PCOLCE: variants seen among roughly 807,000 people sequenced by gnomAD.
The protein encoded by PCOLCE is procollagen C-endopeptidase enhancer 1.
Under a neutral mutation model 47.2 loss-of-function variants are expected in PCOLCE, and 33 were observed. That is an observed-to-expected ratio of 0.70 (90% CI 0.53 to 0.93). The LOEUF (loss-of-function observed/expected upper bound fraction) is 0.93, where lower values mean the gene tolerates loss of function less well. Ranked by LOEUF, PCOLCE falls within the 40% of genes least tolerant of loss-of-function variation. The pLI is 0.00. For missense variants in PCOLCE, 584 were observed against 585.3 expected (o/e 1.00, Z 0.02); for synonymous variants, 254 against 252.5 (o/e 1.01, Z -0.06).
chr7:100,606,888 C>T (rs148918560), intron 6 of PCOLCE, among the ~76,000 whole-genome samples: 4,507 of 152,188 alleles, frequency 0.03, 223 homozygotes, highest in African/African-American at 0.1. Flanking sequence ...GTCAGGAGTT[C>T]AAGACCACCC....
In PCOLCE at chr7:100,604,501, C is replaced by T. The variant is rs1252556735; in HGVS notation, c.463+284C>T. 1 of 535,134 alleles carries T rather than the reference C, an allele frequency of 1.9e-6. No homozygotes were observed. Among genetic ancestry groups the T allele is most frequent in the South Asian group, 2.0e-5 (1 of 50,412 alleles). The allele number at this position is 535,134 out of a possible 1,614,324, so 33.1% of individuals were successfully genotyped here. The stretch of plus-strand genomic sequence containing the variant: ...AATGGGCGGCCTGGGGTTACTGGGA[C>T]GGTGAGTAACTGCCGGCCCCCGTCC... On this transcript the variant is annotated intron_variant, in intron 3 of 8. Coordinates refer to ENST00000223061, the MANE Select transcript of PCOLCE (RefSeq NM_002593.4). This position sits in a 1 kb window ranked among gnomAD's most constrained non-coding sequence, Gnocchi z 6.4.
rs1584440935 is a variant in PCOLCE at position 100,604,712 on chromosome 7, G to A, written c.464-379G>A. The A allele has an allele frequency of 3.2e-6, 1 of 313,538 alleles. No homozygotes were observed. The highest frequency in any genetic ancestry group is 7.7e-5 in the East Asian group (1 of 12,938). 19.4% of individuals were successfully genotyped at this position (313,538 alleles called of 1,614,324 possible). On this transcript the variant is annotated intron_variant, in intron 3 of 8. Transcript: ENST00000223061. The surrounding 1 kb of genome is among the most constrained non-coding windows in gnomAD (Gnocchi z 6.4). Reference sequence around the variant, plus strand: ...GGGACCTCCCTAAAGGGGTCCTCGGGGGCTGTGCCCCAAGTCGAGGACACC... The same window carrying A: ...GGGACCTCCCTAAAGGGGTCCTCGGAGGCTGTGCCCCAAGTCGAGGACACC...
Position 100,603,459 on chromosome 7 carries a change from AGGG to A in PCOLCE, c.128_130del (p.Gly43del). The A allele has an allele frequency of 6.2e-7, 1 of 1,605,746 alleles. No homozygotes were observed. Among genetic ancestry groups the A allele is most frequent in the Non-Finnish European group, 8.5e-7 (1 of 1,175,754 alleles). On this transcript the variant is annotated inframe_deletion, in exon 2 of 9. Transcript: ENST00000223061. ...GTGTTCCTGTGCGGAGGGGATGTGA[AGGG>A]GGAATCAGGTTACGTGGCAAGTGAG...
intron 1 of PCOLCE, 114 bp downstream of exon 1, chr7:100,602,665 T>C: frequency 1.4e-6 from 1 of 716,506 alleles, no homozygotes; most frequent in Non-Finnish European, 2.5e-6. Context: ...CTCCCCAGAT[T>C]CCCCACCGCC....
chr7:100,603,661 T>C, intron 2 of PCOLCE, 123 bp downstream of exon 2: 1 of 519,272 alleles, frequency 1.9e-6, no homozygotes, highest in East Asian at 3.6e-5. Flanking sequence ...GCTCCAAGTG[T>C]CTTCCCTCTG....
Position 100,605,232 on chromosome 7 carries a change from C to G in PCOLCE, c.588+17C>G. The stretch of plus-strand genomic sequence containing the variant: ...CCGGACCAGGTACCGACCCTCCTCC[C>G]CGGGCTGCCCTAGGGGACCCAGGCG... On this transcript the variant is annotated intron_variant, in intron 4 of 8. Coordinates refer to ENST00000223061, the MANE Select transcript of PCOLCE (RefSeq NM_002593.4). This position sits in a 1 kb window ranked among gnomAD's most constrained non-coding sequence, Gnocchi z 6.1. 1 of 1,606,490 alleles carries G rather than the reference C, an allele frequency of 6.2e-7. No homozygotes were observed. The highest frequency in any genetic ancestry group is 8.5e-7 in the Non-Finnish European group (1 of 1,175,276).
At chr7:100,606,108 C>A in intron 5 of PCOLCE, 1 of 532,076 alleles carries the variant, frequency 1.9e-6, no homozygotes, top group Non-Finnish European at 3.4e-6. Flanking sequence ...GCGGGAGGAT[C>A]ACCTGAGCTT....
In PCOLCE at chr7:100,605,020, C is replaced by G. The variant is rs1802687180; in HGVS notation, c.464-71C>G. On this transcript the variant is annotated intron_variant, in intron 3 of 8. Coordinates refer to ENST00000223061, the MANE Select transcript of PCOLCE (RefSeq NM_002593.4). This position sits in a 1 kb window ranked among gnomAD's most constrained non-coding sequence, Gnocchi z 6.1. The stretch of plus-strand genomic sequence containing the variant: ...CCGAGCTGCCTGCCGGGGCTCCCAG[C>G]CTAGAGTTCTCCTGAAGCTGACCGA... 8.3e-7 allele frequency: 1 copy of G among 1,200,584 alleles called. No homozygotes were observed. Among genetic ancestry groups the G allele is most frequent in the African/African-American group, 1.5e-5 (1 of 67,002 alleles). The allele number at this position is 1,200,584 out of a possible 1,614,324, so 74.4% of individuals were successfully genotyped here. A position where few individuals can be genotyped will look rare whatever the true frequency, so the allele number is the denominator to read the frequency against.
rs1204291958 is a variant in PCOLCE at position 100,604,312 on chromosome 7, G to T, written c.463+95G>T. 3.6e-6 allele frequency: 4 copies of T among 1,099,176 alleles called. No individual in the cohort carries two copies. The highest frequency in any genetic ancestry group is 2.2e-5 in the African/African-American group (1 of 44,970). 68.1% of individuals were successfully genotyped at this position (1,099,176 alleles called of 1,614,324 possible). ...CTAACCTCCGCCCCGCCCACCCCGC[G>T]CCCCAGTGCCTAGGGCCCCCTACCT... On this transcript the variant is annotated intron_variant, in intron 3 of 8. Transcript: ENST00000223061. This position sits in a 1 kb window ranked among gnomAD's most constrained non-coding sequence, Gnocchi z 6.4.
At position 100,605,978 on chromosome 7, in the gene PCOLCE, G is replaced by A. The variant is rs1395752007; in HGVS notation, c.725+166G>A. Among the ~76,000 whole-genome samples the A allele has an allele frequency of 6.6e-6, 1 of 152,172 alleles. No individual in the cohort carries two copies. Among genetic ancestry groups the A allele is most frequent in the Admixed American group, 6.5e-5 (1 of 15,268 alleles). ...CAGGCAAAGAGGAGATTTGGCCCCG[G>A]GTCTGGGGTCCGCGGATAGAGAGGC... On this transcript the variant is annotated intron_variant, in intron 5 of 8. Transcript: ENST00000223061. The surrounding 1 kb of genome is among the most constrained non-coding windows in gnomAD (Gnocchi z 6.1).
At chr7:100,603,325 G>A in intron 1 of PCOLCE, 105 bp from the exon 2 acceptor site, 2 of 632,086 alleles carry the variant, frequency 3.2e-6, no homozygotes, top group East Asian at 6.0e-5. Flanking sequence ...TCATCCCCCA[G>A]CTTCCCTCCT....
chr7:100,604,883 CGCCCTGCG>C lies in PCOLCE; in HGVS notation c.464-203_464-196del, dbSNP rs1451700283. On this transcript the variant is annotated intron_variant, in intron 3 of 8. Transcript: ENST00000223061. This position sits in a 1 kb window ranked among gnomAD's most constrained non-coding sequence, Gnocchi z 6.4. ...CTCCCGCTTCCACCGCCCGCCAGTG[CGCCCTGCG>C]GCCCCAGACTTCCCCGAGCCGCGCT... is the stretch of plus-strand genomic sequence containing the variant. 4 of 524,418 alleles carry C rather than the reference CGCCCTGCG, an allele frequency of 7.6e-6. No individual in the cohort carries two copies. The African/African-American group carries it at 7.8e-5, about 10-fold the overall frequency. The allele number at this position is 524,418 out of a possible 1,614,324, so 32.5% of individuals were successfully genotyped here. A position where few individuals can be genotyped will look rare whatever the true frequency, so the allele number is the denominator to read the frequency against.
chr7:100,604,996 C>T lies in PCOLCE; in HGVS notation c.464-95C>T. 1 of 836,092 alleles carries T rather than the reference C, an allele frequency of 1.2e-6. No individual in the cohort carries two copies. The highest frequency in any genetic ancestry group is 1.9e-6 in the Non-Finnish European group (1 of 514,020). 51.8% of individuals were successfully genotyped at this position (836,092 alleles called of 1,614,324 possible). A position where few individuals can be genotyped will look rare whatever the true frequency, so the allele number is the denominator to read the frequency against. On this transcript the variant is annotated intron_variant, in intron 3 of 8. Coordinates refer to ENST00000223061, the MANE Select transcript of PCOLCE (RefSeq NM_002593.4). The surrounding 1 kb of genome is among the most constrained non-coding windows in gnomAD (Gnocchi z 6.4). Reference sequence around the variant, plus strand: ...CCCCTCATCCTGAGCCCCAGACATCCGAGCTGCCTGCCGGGGCTCCCAGCC... The same window carrying T: ...CCCCTCATCCTGAGCCCCAGACATCTGAGCTGCCTGCCGGGGCTCCCAGCC...
intron 1 of PCOLCE, chr7:100,602,876 C>T (rs1295633431): frequency 4.9e-6 from 2 of 406,892 alleles, no homozygotes; most frequent in East Asian, 5.0e-5. Flanking sequence ...GGAAGGAATT[C>T]GAGAGGGATT....
intron 6 of PCOLCE, among the ~76,000 whole-genome samples, chr7:100,607,237 C>T (rs1202844768): frequency 6.6e-6 from 1 of 152,104 alleles, no homozygotes; most frequent in East Asian, 1.9e-4. Context: ...AGCAAAACTC[C>T]ATCTTAAACA....
rs751472246 is a variant in PCOLCE, at chr7:100,603,987, C to T, written c.233C>T (p.Ser78Leu). The change falls in exon 3 of 9, where the codon TCA (serine) becomes TTA (leucine). Residue 78 changes from serine (S) to leucine (L), a missense_variant. Physicochemically the swap from Ser to Leu is moderately radical, Grantham distance 145. Coordinates refer to ENST00000223061, the MANE Select transcript of PCOLCE (RefSeq NM_002593.4). ...CCCGAGGGCCAGACTGTGTCCCTCT[C>T]ATTCCGAGTCTTCGACCTGGAGCTG... ...TVPEGQTVSLSFRVFDLELHP... is the reference protein window; with the variant it reads ...TVPEGQTVSLLFRVFDLELHP... 1.9e-6 allele frequency: 3 copies of T among 1,602,926 alleles called. No individual in the cohort carries two copies. Among genetic ancestry groups the T allele is most frequent in the Admixed American group, 3.3e-5 (2 of 60,000 alleles).
chr7:100,605,311 A>C lies in PCOLCE; in HGVS notation c.588+96A>C. ...TTTATTGAAGATCTGCTGTGTCCCGAGCACTGCGCTTGCGCTGGTGGGCAC... is the reference window on the plus strand; with the variant it reads ...TTTATTGAAGATCTGCTGTGTCCCGCGCACTGCGCTTGCGCTGGTGGGCAC... On this transcript the variant is annotated intron_variant, in intron 4 of 8. Transcript: ENST00000223061. The surrounding 1 kb of genome is among the most constrained non-coding windows in gnomAD (Gnocchi z 6.1). 2 of 1,306,376 alleles carry C rather than the reference A, an allele frequency of 1.5e-6. No individual in the cohort carries two copies. Among genetic ancestry groups the C allele is most frequent in the Non-Finnish European group, 2.1e-6 (2 of 952,726 alleles). 80.9% of individuals were successfully genotyped at this position (1,306,376 alleles called of 1,614,324 possible).
chr7:100,602,523 G>A lies in PCOLCE; in HGVS notation c.67G>A (p.Ala23Thr). ...LLTACALLPF[A>T]QGQTPNYTRP... ...CACTGCCTGCGCCCTGCTGCCTTTT[G>A]CCCAGGGCCAGACCCCCAACTACAC... The change falls in exon 1 of 9, where the codon GCC becomes ACC. Residue 23 changes from alanine (A) to threonine (T), a missense_variant. Transcript: ENST00000223061. The A allele has an allele frequency of 6.2e-7, 1 of 1,612,202 alleles. No homozygotes were observed. Among genetic ancestry groups the A allele is most frequent in the Non-Finnish European group, 8.5e-7 (1 of 1,178,920 alleles).
chr7:100,603,010 T>G, intron 1 of PCOLCE: 1 of 240,342 alleles, frequency 4.2e-6, no homozygotes, highest in South Asian at 7.0e-5. Context: ...CAGAGGGCCA[T>G]CGCCACTGCA....
Sources: gnomAD v4.1 joint callset for allele counts (sites outside exome capture counted in the v4.1 genomes callset) on GRCh38, gnomAD v4.1.1 for gene constraint, Gnocchi (gnomAD v3.1) non-coding constraint, MANE v1.5 for transcripts, NCBI Gene and HGNC (gene_info 2026-07-23, HGNC 2026-07-21) for gene names.